The following TANGO6 variants were observed in gnomAD, a reference collection of about 807,000 sequenced individuals.
The protein encoded by TANGO6 is transport and golgi organization 6 homolog.
Under a neutral mutation model 114.2 loss-of-function variants are expected in TANGO6, and 90 were observed. The observed-to-expected ratio is 0.79, with a 90% CI of 0.66 to 0.94. The LOEUF (loss-of-function observed/expected upper bound fraction) is 0.94, where lower values mean the gene tolerates loss of function less well. TANGO6 is among the 40% of genes least tolerant of loss of function. TANGO6 has a pLI of 0.00. For synonymous variants in TANGO6, 477 were observed against 509.8 expected (o/e 0.94, Z 0.87); for missense variants, 1,274 against 1,315.3 (o/e 0.97, Z 0.49).
chr16:69,075,055 T>G (rs1315431384), intron 17 of TANGO6, among the ~76,000 whole-genome samples: 1 of 151,984 alleles, frequency 6.6e-6, no homozygotes, highest in African/African-American at 2.4e-5. Context: ...TTGCTCAGGC[T>G]GGTCTCGAAC....
Position 68,878,151 on chromosome 16 carries a change from A to C in TANGO6, c.1165A>C (p.Thr389Pro), listed in dbSNP as rs768306734. Residue 389 changes from threonine to proline, a missense_variant, in exon 6 of 18, where the codon ACA becomes CCA. This residue lies in a region of TANGO6 where 908 missense variants were observed against 910.2 expected (regional missense o/e 1.00). Coordinates refer to ENST00000261778, the MANE Select transcript of TANGO6 (RefSeq NM_024562.2). Reference protein sequence around the residue: ...LDLFHFQDKLTARQFQRVATT... With the variant: ...LDLFHFQDKLPARQFQRVATT... ...TTTATTTCACTTTCAAGATAAATTG[A>C]CAGCACGACAATTTCAGAGAGTTGC... 9 of 1,610,508 alleles carry C rather than the reference A, an allele frequency of 5.6e-6. No homozygotes were observed. The highest frequency in any genetic ancestry group is 6.8e-6 in the Non-Finnish European group (8 of 1,178,812).
chr16:69,051,932 C>T (rs1959954926), intron 17 of TANGO6, among the ~76,000 whole-genome samples: 1 of 149,190 alleles, frequency 6.7e-6, no homozygotes, highest in African/African-American at 2.5e-5. Context: ...TTTTTCTTTT[C>T]TTTCTTTCTT....
chr16:69,045,839 G>A (rs1477392733), intron 17 of TANGO6, among the ~76,000 whole-genome samples: 2 of 151,864 alleles, frequency 1.3e-5, no homozygotes, highest in African/African-American at 4.8e-5. Flanking sequence ...GCTGAGGCGG[G>A]TGGATCACGA....
chr16:68,860,548 G>T, intron 2 of TANGO6, 24 bp downstream of exon 2: 1 of 1,604,382 alleles, frequency 6.2e-7, no homozygotes, highest in South Asian at 1.1e-5. Flanking sequence ...GAGAAAGAGA[G>T]AGGGAGAGAT....
chr16:68,972,434 C>T (rs768803626), intron 14 of TANGO6, among the ~76,000 whole-genome samples: 3 of 152,114 alleles, frequency 2.0e-5, no homozygotes, highest in Admixed American at 6.5e-5. Flanking sequence ...AGTTTAAACA[C>T]GAGAATGGTA....
chr16:69,037,729 T>TG (rs894312722), intron 16 of TANGO6, among the ~76,000 whole-genome samples: 1 of 152,222 alleles, frequency 6.6e-6, no homozygotes, highest in Non-Finnish European at 1.5e-5. Flanking sequence ...AGCAGCTTGC[T>TG]GGGTCTTACT....
At chr16:69,058,899 CT>C (rs1188556322) in intron 17 of TANGO6, among the ~76,000 whole-genome samples, 1 of 146,846 alleles carries the variant, frequency 6.8e-6, no homozygotes, top group Non-Finnish European at 1.5e-5. Flanking sequence ...AACCACTGGA[CT>C]TTTCTACTCT....
intron 17 of TANGO6, among the ~76,000 whole-genome samples, chr16:69,056,880 C>T (rs1337088703): frequency 2.6e-5 from 4 of 151,756 alleles, no homozygotes; most frequent in East Asian, 1.9e-4. Context: ...CGGGGTTTCA[C>T]CGTGTTAGCC....
chr16:69,023,355 C>T (rs1959445933), intron 16 of TANGO6, among the ~76,000 whole-genome samples: 1 of 152,024 alleles, frequency 6.6e-6, no homozygotes, highest in South Asian at 2.1e-4. Context: ...ACTCAGGAGG[C>T]TGAGGCAGGA....
intron 14 of TANGO6, among the ~76,000 whole-genome samples, chr16:68,952,137 A>C (rs1216809242): frequency 1.3e-5 from 2 of 152,202 alleles, no homozygotes; most frequent in Non-Finnish European, 2.9e-5. Flanking sequence ...TCCACTTTAC[A>C]AGCTATTAAG....
chr16:69,007,309 AC>A (rs1964101618), intron 15 of TANGO6, among the ~76,000 whole-genome samples: 1 of 127,030 alleles, frequency 7.9e-6, no homozygotes, highest in East Asian at 2.2e-4. Flanking sequence ...TCGCTCTGTC[AC>A]CCAGGCTGGA....
chr16:69,011,148 T>C (rs922913905), intron 15 of TANGO6, among the ~76,000 whole-genome samples: 1 of 152,168 alleles, frequency 6.6e-6, no homozygotes, highest in Non-Finnish European at 1.5e-5. Context: ...AGTACCTTAA[T>C]GTGCAGGATA....
intron 14 of TANGO6, among the ~76,000 whole-genome samples, chr16:68,963,741 G>A (rs1345266020): frequency 6.6e-6 from 1 of 152,348 alleles, no homozygotes; most frequent in South Asian, 2.1e-4. Context: ...GCTGAGCCTA[G>A]TGCAGTCGTC....
At chr16:68,925,656 C>G (rs1429572053) in intron 12 of TANGO6, among the ~76,000 whole-genome samples, 1 of 151,988 alleles carries the variant, frequency 6.6e-6, no homozygotes, top group Admixed American at 6.5e-5. Flanking sequence ...TAGATCATGC[C>G]TTTGCTGTTG....
chr16:68,973,629 A>C (rs1249983124), intron 14 of TANGO6, among the ~76,000 whole-genome samples: 1 of 152,222 alleles, frequency 6.6e-6, no homozygotes, highest in African/African-American at 2.4e-5. Context: ...AAACTCAGCC[A>C]TGAGCTTAGA....
At chr16:68,873,536 A>G (rs1596998997) in intron 4 of TANGO6, among the ~76,000 whole-genome samples, 1 of 150,778 alleles carries the variant, frequency 6.6e-6, no homozygotes, top group African/African-American at 2.4e-5. Flanking sequence ...CTGGTCTCAA[A>G]CGCCTGACCT....
At chr16:68,974,275 G>T (rs1261405461) in intron 15 of TANGO6, 107 bp downstream of exon 15, 1 of 1,327,154 alleles carries the variant, frequency 7.5e-7, no homozygotes, top group Non-Finnish European at 1.1e-6. Context: ...GGTGAGGGTA[G>T]TTTGAGGGCT....
At chr16:68,970,350 G>C (rs1297881489) in intron 14 of TANGO6, among the ~76,000 whole-genome samples, 1 of 152,138 alleles carries the variant, frequency 6.6e-6, no homozygotes, top group Non-Finnish European at 1.5e-5. Flanking sequence ...CTCTGCTAAA[G>C]ACTAATGAGA....
At chr16:69,080,029 T>A (rs1960442667) in intron 17 of TANGO6, among the ~76,000 whole-genome samples, 1 of 152,200 alleles carries the variant, frequency 6.6e-6, no homozygotes, top group Non-Finnish European at 1.5e-5. Flanking sequence ...AAGACCAGCC[T>A]GCGCAATATA....
Sources: gnomAD v4.1 joint callset for allele counts (sites outside exome capture counted in the v4.1 genomes callset) on GRCh38, gnomAD v4.1.1 for gene constraint, gnomAD v4.1.1 regional missense constraint, MANE v1.5 for transcripts, NCBI Gene and HGNC (gene_info 2026-07-23, HGNC 2026-07-21) for gene names.